MAGEB4: variants seen among roughly 807,000 people sequenced by gnomAD.
The protein encoded by MAGEB4 is melanoma-associated antigen B4.
For missense variants in MAGEB4, 237 were observed against 269.3 expected, an observed-to-expected ratio of 0.88 and a Z score of 0.84; for synonymous variants, 101 against 101.9, an observed-to-expected ratio of 0.99 and a Z score of 0.05.
Position 30,243,100 on chromosome X carries a change from C to T in MAGEB4, c.965C>T (p.Ala322Val). ...AGAGCTGGAGCCCGGCCCAGAGTTG[C>T]AGCCAGGCGTGGCACTACAGCCATG... ...EERAGARPRVAARRGTTAMTS... is the reference protein window; with the variant it reads ...EERAGARPRVVARRGTTAMTS... The change falls in exon 1 of 1, where the codon GCA becomes GTA. Residue 322 changes from alanine to valine, a missense_variant. By Grantham distance (64) the Ala-to-Val change is moderately conservative. Coordinates refer to ENST00000378982, the MANE Select transcript of MAGEB4 (RefSeq NM_002367.4). 4 of 1,209,908 alleles carry T rather than the reference C, an allele frequency of 3.3e-6. No individual in the cohort carries two copies. Among genetic ancestry groups the T allele is most frequent in the Non-Finnish European group, 4.5e-6 (4 of 894,593 alleles).
At position 30,242,974 on chromosome X, in the gene MAGEB4, C is replaced by T; in HGVS notation, c.839C>T (p.Thr280Ile). The part of the protein sequence containing the change: ...FLWGPRAHAE[T>I]SKMKVLEFLA... ...TGGGGTCCAAGAGCTCATGCAGAAA[C>T]CAGCAAGATGAAAGTCCTGGAGTTT... is the stretch of plus-strand genomic sequence containing the variant. Residue 280 changes from threonine (T) to isoleucine (I), a missense_variant, in exon 1 of 1, where the codon ACC becomes ATC. Thr to Ile is a moderately conservative substitution (Grantham distance 89). Transcript: ENST00000378982. 8.3e-7 allele frequency: 1 copy of T among 1,212,072 alleles called. No individual in the cohort carries two copies. The highest frequency in any genetic ancestry group is 3.0e-5 in the East Asian group (1 of 33,863).
Position 30,244,085 on chromosome X carries a change from C to A in MAGEB4, c.*909C>A, listed in dbSNP as rs1487985036. On this transcript the variant is annotated 3_prime_UTR_variant, in exon 1 of 1. Transcript: ENST00000378982. ...ATTTAAAAATCTTTTAAGTCTTTTT[C>A]TGTGATCTAGAACAAGATAATATGG... 1 of 122,416 alleles carries A rather than the reference C, an allele frequency of 8.2e-6. No individual in the cohort carries two copies. Among genetic ancestry groups the A allele is most frequent in the African/African-American group, 3.3e-5 (1 of 30,504 alleles). The allele number at this position is 122,416 out of a possible 1,213,427, so 10.1% of individuals were successfully genotyped here. A position where few individuals can be genotyped will look rare whatever the true frequency, so the allele number is the denominator to read the frequency against.
In MAGEB4 at chrX:30,243,284, T is replaced by C. The variant is rs144882352; in HGVS notation, c.*108T>C. 2,509 of 604,814 alleles carry C rather than the reference T, an allele frequency of 4.1e-3. 51 individuals are homozygous for C. The African/African-American group carries it at 0.051, about 12-fold the overall frequency. 49.8% of individuals were successfully genotyped at this position (604,814 alleles called of 1,213,427 possible). A position where few individuals can be genotyped will look rare whatever the true frequency, so the allele number is the denominator to read the frequency against. The stretch of plus-strand genomic sequence containing the variant: ...TATCTCTTTGTTGTATTTTCCATGA[T>C]GTTTCTTAAAATAGAAAGTTTATTT... On this transcript the variant is annotated 3_prime_UTR_variant, in exon 1 of 1. Coordinates refer to ENST00000378982, the MANE Select transcript of MAGEB4 (RefSeq NM_002367.4).
Position 30,242,650 on chromosome X carries a change from C to T in MAGEB4, c.515C>T (p.Thr172Ile). Reference protein sequence around the residue: ...FGLALKEVNPTTHSYILVSML... With the variant: ...FGLALKEVNPITHSYILVSML... ...CTTGCCTTGAAGGAGGTCAACCCCACCACTCACTCCTACATCCTCGTCAGC... is the reference window on the plus strand; with the variant it reads ...CTTGCCTTGAAGGAGGTCAACCCCATCACTCACTCCTACATCCTCGTCAGC... The change falls in exon 1 of 1, where the codon ACC becomes ATC. Residue 172 changes from threonine (T) to isoleucine (I), a missense_variant. Coordinates refer to ENST00000378982, the MANE Select transcript of MAGEB4 (RefSeq NM_002367.4). 3 of 1,211,869 alleles carry T rather than the reference C, an allele frequency of 2.5e-6. No homozygotes were observed. Among genetic ancestry groups the T allele is most frequent in the Non-Finnish European group, 2.2e-6 (2 of 895,532 alleles).
chrX:30,242,034 C>A lies in MAGEB4; in HGVS notation c.-102C>A. On this transcript the variant is annotated 5_prime_UTR_variant, in exon 1 of 1. Coordinates refer to ENST00000378982, the MANE Select transcript of MAGEB4 (RefSeq NM_002367.4). ...TTCTGAAAAGCCAAGGTAGTATCTGCCTGCTGAAGGTGTTCTCAGGATTTC... is the reference window on the plus strand; with the variant it reads ...TTCTGAAAAGCCAAGGTAGTATCTGACTGCTGAAGGTGTTCTCAGGATTTC... 1.5e-6 allele frequency: 1 copy of A among 654,476 alleles called. No individual in the cohort carries two copies. The highest frequency in any genetic ancestry group is 2.2e-6 in the Non-Finnish European group (1 of 451,401). The allele number at this position is 654,476 out of a possible 1,213,427, so 53.9% of individuals were successfully genotyped here.
In MAGEB4 at chrX:30,242,568, G is replaced by A. The variant is rs747445651; in HGVS notation, c.433G>A (p.Glu145Lys). The A allele has an allele frequency of 2.5e-6, 3 of 1,209,342 alleles. No homozygotes were observed. The highest frequency in any genetic ancestry group is 3.0e-5 in the East Asian group (1 of 33,759). The change falls in exon 1 of 1, where the codon GAG (glutamate) becomes AAG (lysine). Residue 145 changes from glutamate to lysine, a missense_variant. Glu to Lys is a moderately conservative substitution (Grantham distance 56). Coordinates refer to ENST00000378982, the MANE Select transcript of MAGEB4 (RefSeq NM_002367.4). ...GAAGATCATCAGCAAAAAGTACAAG[G>A]AGCACTTCCCTGAGATCTTCAGGAA... ...MLKIISKKYK[E>K]HFPEIFRKVS...
chrX:30,242,359 T>C lies in MAGEB4; in HGVS notation c.224T>C (p.Met75Thr). The stretch of plus-strand genomic sequence containing the variant: ...CCCACCACCTCTGCTGCTGCAGCTA[T>C]GTCATGCACTGGATCTGATAAAGGC... ...EPPTTSAAAA[M>T]SCTGSDKGDE... The change falls in exon 1 of 1, where the codon ATG becomes ACG. Residue 75 changes from methionine to threonine, a missense_variant. By Grantham distance (81) the Met-to-Thr change is moderately conservative (BLOSUM62 -1). Transcript: ENST00000378982. 6 of 1,208,445 alleles carry C rather than the reference T, an allele frequency of 5.0e-6. No homozygotes were observed. Among genetic ancestry groups the C allele is most frequent in the East Asian group, 3.0e-5 (1 of 33,826 alleles).
rs1328756292 is a variant in MAGEB4 at position 30,243,064 on chromosome X, A to G, written c.929A>G (p.Asp310Gly). ...FPLLYEEALR[D>G]EEERAGARPR... ...CTGCTTTATGAAGAGGCTTTGAGAG[A>G]TGAAGAAGAGAGAGCTGGAGCCCGG... Residue 310 changes from aspartate (D) to glycine (G), a missense_variant, in exon 1 of 1, where the codon GAT (aspartate) becomes GGT (glycine). Coordinates refer to ENST00000378982, the MANE Select transcript of MAGEB4 (RefSeq NM_002367.4). 1 of 1,210,021 alleles carries G rather than the reference A, an allele frequency of 8.3e-7. No individual in the cohort carries two copies. Among genetic ancestry groups the G allele is most frequent in the Non-Finnish European group, 1.1e-6 (1 of 895,192 alleles).
Position 30,242,588 on chromosome X carries a change from C to T in MAGEB4, c.453C>T (p.Phe151=). Residue 151 remains phenylalanine, a synonymous_variant, in exon 1 of 1, where the codon TTC becomes TTT. Coordinates refer to ENST00000378982, the MANE Select transcript of MAGEB4 (RefSeq NM_002367.4). ...ACAAGGAGCACTTCCCTGAGATCTT[C>T]AGGAAAGTCTCTCAGCGCACGGAGC... The part of the protein sequence containing the change: ...KKYKEHFPEI[F]RKVSQRTELV... 3.3e-6 allele frequency: 4 copies of T among 1,211,033 alleles called. No homozygotes were observed. The highest frequency in any genetic ancestry group is 2.2e-6 in the Non-Finnish European group (2 of 895,103).
rs1211027428 is a variant in MAGEB4 at position 30,243,818 on chromosome X, T to C, written c.*642T>C. The C allele has an allele frequency of 8.0e-6, 1 of 124,568 alleles. No individual in the cohort carries two copies. Among genetic ancestry groups the C allele is most frequent in the Non-Finnish European group, 1.9e-5 (1 of 53,502 alleles). 10.3% of individuals were successfully genotyped at this position (124,568 alleles called of 1,213,427 possible). ...GAAGTCTGAGGTATATTCTTTACTT[T>C]TGATTAAGAAAACACTTAACCTTCT... On this transcript the variant is annotated 3_prime_UTR_variant, in exon 1 of 1. Coordinates refer to ENST00000378982, the MANE Select transcript of MAGEB4 (RefSeq NM_002367.4).
Position 30,243,312 on chromosome X carries a change from A to G in MAGEB4, c.*136A>G, listed in dbSNP as rs764652052. On this transcript the variant is annotated 3_prime_UTR_variant, in exon 1 of 1. Coordinates refer to ENST00000378982, the MANE Select transcript of MAGEB4 (RefSeq NM_002367.4). Reference sequence around the variant, plus strand: ...TTCTTAAAATAGAAAGTTTATTTAGATTCAGAATATAAATTTAGAAATGGC... The same window carrying G: ...TTCTTAAAATAGAAAGTTTATTTAGGTTCAGAATATAAATTTAGAAATGGC... 21 of 494,355 alleles carry G rather than the reference A, an allele frequency of 4.2e-5. No homozygotes were observed. Among genetic ancestry groups the G allele is most frequent in the Non-Finnish European group, 6.2e-5 (20 of 322,226 alleles). The allele number at this position is 494,355 out of a possible 1,213,427, so 40.7% of individuals were successfully genotyped here.
In MAGEB4 at chrX:30,242,278, A is replaced by G. The variant is rs748393341; in HGVS notation, c.143A>G (p.Asp48Gly). 1 of 1,206,871 alleles carries G rather than the reference A, an allele frequency of 8.3e-7. No homozygotes were observed. The highest frequency in any genetic ancestry group is 1.7e-5 in the African/African-American group (1 of 57,560). Residue 48 changes from aspartate (D) to glycine (G), a missense_variant, in exon 1 of 1, where the codon GAT becomes GGT. By Grantham distance (94) the Asp-to-Gly change is moderately conservative. Transcript: ENST00000378982. ...SPSSSSSVLR[D>G]TASSSLAFGI... ...TCCTCTTCCTCATCTGTTTTGAGGG[A>G]TACTGCCTCCAGCTCCCTTGCTTTT...
At position 30,243,407 on chromosome X, in the gene MAGEB4, T is replaced by C; in HGVS notation, c.*231T>C. The C allele has an allele frequency of 9.6e-6, 3 of 313,981 alleles. No homozygotes were observed. Among genetic ancestry groups the C allele is most frequent in the African/African-American group, 2.7e-5 (1 of 37,670 alleles). 25.9% of individuals were successfully genotyped at this position (313,981 alleles called of 1,213,427 possible). On this transcript the variant is annotated 3_prime_UTR_variant, in exon 1 of 1. Transcript: ENST00000378982. ...AATAATTTTGTTTTTGAAATACAAA[T>C]AGAAAATCCTGAAATAATTTTTGTG...
Position 30,243,579 on chromosome X carries a change from T to G in MAGEB4, c.*403T>G, listed in dbSNP as rs1412781372. The G allele has an allele frequency of 7.6e-6, 1 of 131,354 alleles. No individual in the cohort carries two copies. The highest frequency in any genetic ancestry group is 1.7e-5 in the Non-Finnish European group (1 of 58,338). 10.8% of individuals were successfully genotyped at this position (131,354 alleles called of 1,213,427 possible). A position where few individuals can be genotyped will look rare whatever the true frequency, so the allele number is the denominator to read the frequency against. On this transcript the variant is annotated 3_prime_UTR_variant, in exon 1 of 1. Coordinates refer to ENST00000378982, the MANE Select transcript of MAGEB4 (RefSeq NM_002367.4). The stretch of plus-strand genomic sequence containing the variant: ...GTGGTTTGTCTTACTCAGTTCAGTC[T>G]TTTTTTGCTCATAAATTTAAAAGTT...
Position 30,243,240 on chromosome X carries a change from C to A in MAGEB4, c.*64C>A. On this transcript the variant is annotated 3_prime_UTR_variant, in exon 1 of 1. Transcript: ENST00000378982. ...TGCTGCTTTCTCTGTTCCTGTGATG[C>A]ATGAATAACTCATTGATTTATCTCT... is the stretch of plus-strand genomic sequence containing the variant. The A allele has an allele frequency of 1.2e-6, 1 of 803,769 alleles. No homozygotes were observed. The highest frequency in any genetic ancestry group is 1.7e-6 in the Non-Finnish European group (1 of 574,420). The allele number at this position is 803,769 out of a possible 1,213,427, so 66.2% of individuals were successfully genotyped here. A position where few individuals can be genotyped will look rare whatever the true frequency, so the allele number is the denominator to read the frequency against.
rs1260766877 is a variant in MAGEB4 at position 30,243,466 on chromosome X, G to C, written c.*290G>C. The C allele has an allele frequency of 4.3e-6, 1 of 231,125 alleles. No homozygotes were observed. Among genetic ancestry groups the C allele is most frequent in the African/African-American group, 2.9e-5 (1 of 34,744 alleles). 19.0% of individuals were successfully genotyped at this position (231,125 alleles called of 1,213,427 possible). A position where few individuals can be genotyped will look rare whatever the true frequency, so the allele number is the denominator to read the frequency against. On this transcript the variant is annotated 3_prime_UTR_variant, in exon 1 of 1. Coordinates refer to ENST00000378982, the MANE Select transcript of MAGEB4 (RefSeq NM_002367.4). ...CAAAATAACACGGCATGGGAGTAAG[G>C]TTATCCTTAGAAATTTAAAATAACT... is the stretch of plus-strand genomic sequence containing the variant.
chrX:30,243,084 G>A lies in MAGEB4; in HGVS notation c.949G>A (p.Ala317Thr), dbSNP rs1173675433. The change falls in exon 1 of 1, where the codon GCC becomes ACC. Residue 317 changes from alanine (A) to threonine (T), a missense_variant. Ala to Thr is a moderately conservative substitution (Grantham distance 58). Transcript: ENST00000378982. The stretch of plus-strand genomic sequence containing the variant: ...GAGAGATGAAGAAGAGAGAGCTGGA[G>A]CCCGGCCCAGAGTTGCAGCCAGGCG... ...ALRDEEERAG[A>T]RPRVAARRGT... 17 of 1,211,222 alleles carry A rather than the reference G, an allele frequency of 1.4e-5. No individual in the cohort carries two copies. The highest frequency in any genetic ancestry group is 1.7e-5 in the Non-Finnish European group (15 of 895,256).
rs1925164043 is a variant in MAGEB4 at position 30,242,364 on chromosome X, T to C, written c.229T>C (p.Cys77Arg). 1 of 1,207,935 alleles carries C rather than the reference T, an allele frequency of 8.3e-7. No individual in the cohort carries two copies. The highest frequency in any genetic ancestry group is 1.8e-5 in the African/African-American group (1 of 57,023). Residue 77 changes from cysteine (C) to arginine (R), a missense_variant, in exon 1 of 1, where the codon TGC (cysteine) becomes CGC (arginine). Transcript: ENST00000378982. ...PTTSAAAAMS[C>R]TGSDKGDESQ... ...CACCTCTGCTGCTGCAGCTATGTCA[T>C]GCACTGGATCTGATAAAGGCGACGA...
In MAGEB4 at chrX:30,242,951, G is replaced by T; in HGVS notation, c.816G>T (p.Trp272Cys). The change falls in exon 1 of 1, where the codon TGG becomes TGT. Residue 272 changes from tryptophan to cysteine, a missense_variant. Trp to Cys is a radical substitution (Grantham distance 215). Coordinates refer to ENST00000378982, the MANE Select transcript of MAGEB4 (RefSeq NM_002367.4). ...ATCCCCCACGCTATCAATTCCTGTG[G>T]GGTCCAAGAGCTCATGCAGAAACCA... ...NSDPPRYQFL[W>C]GPRAHAETSK... The T allele has an allele frequency of 8.3e-7, 1 of 1,211,981 alleles. No individual in the cohort carries two copies. Among genetic ancestry groups the T allele is most frequent in the Non-Finnish European group, 1.1e-6 (1 of 895,535 alleles).
Sources: gnomAD v4.1 joint callset for allele counts on GRCh38, gnomAD v4.1.1 for gene constraint, MANE v1.5 for transcripts, NCBI Gene and HGNC (gene_info 2026-07-23, HGNC 2026-07-21) for gene names.